The following LACC1 variants were observed in gnomAD, a reference collection of about 807,000 sequenced individuals.
The protein encoded by LACC1 is purine nucleoside phosphorylase LACC1.
A neutral mutation model predicts 34.8 loss-of-function variants in LACC1; 25 were observed. The ratio of observed to expected loss-of-function variants is 0.72; its 90% confidence interval spans 0.52 to 1.00. The LOEUF is 1.00. LACC1 is among the 50% of genes least tolerant of loss of function. The pLI is 0.00. For synonymous variants in LACC1, 162 were observed against 168.0 expected, an observed-to-expected ratio of 0.96 and a Z score of 0.28; for missense variants, 426 against 511.2, an observed-to-expected ratio of 0.83 and a Z score of 1.61.
intron 2 of LACC1, 50 bp downstream of exon 2, chr13:43,881,597 C>T: frequency 7.3e-7 from 1 of 1,361,134 alleles, no homozygotes; most frequent in Non-Finnish European, 1.0e-6. Context: ...GAAAACTAGT[C>T]TTTCTTCAGA....
intron 6 of LACC1, among the ~76,000 whole-genome samples, chr13:43,890,524 T>TC (rs1241363629): frequency 6.6e-6 from 1 of 152,202 alleles, no homozygotes; most frequent in Admixed American, 6.5e-5. Context: ...CCACTCCTTT[T>TC]CCTAGTTAAT....
chr13:43,882,458 C>CT, intron 3 of LACC1, 95 bp downstream of exon 3: 1 of 836,636 alleles, frequency 1.2e-6, no homozygotes, highest in Non-Finnish European at 1.8e-6. Context: ...TTTGTATCTG[C>CT]TTTTTTATCT....
intron 4 of LACC1, among the ~76,000 whole-genome samples, chr13:43,886,931 A>G (rs1955360754): frequency 6.6e-6 from 1 of 152,132 alleles, no homozygotes; most frequent in African/African-American, 2.4e-5. Context: ...AAGGAGGTGG[A>G]TGAACTACAA....
In LACC1 at chr13:43,893,044, T is replaced by G. The variant is rs953095778; in HGVS notation, c.*1597T>G. On this transcript the variant is annotated 3_prime_UTR_variant, in exon 7 of 7. Transcript: ENST00000325686. ...TTTTTTGGATGAGCAGTTTTGAGTG[T>G]GTTTGTCAGTTAAAGAGAGGAATTA... is the stretch of plus-strand genomic sequence containing the variant. 6.6e-6 allele frequency: 1 copy of G among 152,226 alleles called. No individual in the cohort carries two copies. The highest frequency in any genetic ancestry group is 2.4e-5 in the African/African-American group (1 of 41,456). The allele number at this position is 152,226 out of a possible 1,614,324, so 9.4% of individuals were successfully genotyped here.
upstream of LACC1, chr13:43,879,579 C>A (rs902125794): frequency 2.6e-5 from 4 of 152,234 alleles, no homozygotes; most frequent in African/African-American, 9.6e-5. Flanking sequence ...CCCCAGCTCT[C>A]GCGCTGGGCC....
At chr13:43,886,416 C>T (rs1204439416) in intron 4 of LACC1, among the ~76,000 whole-genome samples, 2 of 152,080 alleles carry the variant, frequency 1.3e-5, no homozygotes, top group Non-Finnish European at 2.9e-5. Context: ...TAATGGAATA[C>T]TATAAAGCCA....
rs987899116 is a variant in LACC1, at chr13:43,893,615, T to G, written c.*2168T>G. ...GTTGTGAGGTTGTGATAACCGATTC[T>G]TGTTTAGTTTAATTCTATATCTCCC... On this transcript the variant is annotated 3_prime_UTR_variant, in exon 7 of 7. Coordinates refer to ENST00000325686, the MANE Select transcript of LACC1 (RefSeq NM_153218.4). The G allele has an allele frequency of 9.2e-5, 14 of 152,050 alleles. No homozygotes were observed. Among genetic ancestry groups the G allele is most frequent in the African/African-American group, 2.9e-4 (12 of 41,448 alleles). 9.4% of individuals were successfully genotyped at this position (152,050 alleles called of 1,614,324 possible).
At chr13:43,891,353 A>G (rs1439001062) in intron 6 of LACC1, 96 bp from the exon 7 acceptor site, 1 of 493,184 alleles carries the variant, frequency 2.0e-6, no homozygotes, top group African/African-American at 2.1e-5. Flanking sequence ...TAGCTCTTTA[A>G]CTTACAGAAA....
rs930107918 is a variant in LACC1, at chr13:43,890,401, T to TA, written c.*1+128dup. ...CCTTATTTAAAAAAAAAAAGTTAAT[T>TA]ATGTTAAACTTTACTCCTTTATTCC... On this transcript the variant is annotated intron_variant, in intron 6 of 6. Transcript: ENST00000325686. 8.4e-6 allele frequency: 6 copies of TA among 718,366 alleles called. No homozygotes were observed. In the African/African-American group the frequency reaches 9.1e-5, roughly 11 times the overall value. 44.5% of individuals were successfully genotyped at this position (718,366 alleles called of 1,614,324 possible). A position where few individuals can be genotyped will look rare whatever the true frequency, so the allele number is the denominator to read the frequency against.
At chr13:43,886,005 G>C (rs529849383) in intron 4 of LACC1, among the ~76,000 whole-genome samples, 2 of 152,072 alleles carry the variant, frequency 1.3e-5, no homozygotes, top group Non-Finnish European at 2.9e-5. Flanking sequence ...ATGAAAAAAC[G>C]CTTGATATTA....
At chr13:43,885,243 T>G (rs1356201361) in intron 4 of LACC1, among the ~76,000 whole-genome samples, 1 of 152,124 alleles carries the variant, frequency 6.6e-6, no homozygotes, top group East Asian at 1.9e-4. Flanking sequence ...TTTCACAGAT[T>G]TAGAAAAAAC....
At chr13:43,883,472 A>G (rs1955170907) in intron 3 of LACC1, among the ~76,000 whole-genome samples, 2 of 152,212 alleles carry the variant, frequency 1.3e-5, no homozygotes, top group South Asian at 2.1e-4. Flanking sequence ...AGAAAGTGCT[A>G]TAAGAAATGA....
rs780225661 is a variant in LACC1 at position 43,881,269 on chromosome 13, T to C, written c.284T>C (p.Ile95Thr). ...AATLYTIKQK[I>T]DEKNLSSIKV... ...ACTTTGTATACCATTAAACAGAAAA[T>C]TGATGAAAAAAATCTGAGCAGCATT... Residue 95 changes from isoleucine (I) to threonine (T), a missense_variant, in exon 2 of 7, where the codon ATT (isoleucine) becomes ACT (threonine). This residue lies in a region of LACC1 where 217 missense variants were observed against 210.9 expected (regional missense o/e 1.03). Coordinates refer to ENST00000325686, the MANE Select transcript of LACC1 (RefSeq NM_153218.4). 6.2e-7 allele frequency: 1 copy of C among 1,614,138 alleles called. No homozygotes were observed. Among genetic ancestry groups the C allele is most frequent in the South Asian group, 1.1e-5 (1 of 91,086 alleles).
At position 43,891,442 on chromosome 13, in the gene LACC1, T is replaced by C. The variant is rs1044206493; in HGVS notation, c.*2-7T>C. ...CGTCTCATATTTGATTTCTATGTAT[T>C]TTACAGATACTTGACTGGATTTTTG... On this transcript the variant is annotated splice_polypyrimidine_tract_variant and splice_region_variant and intron_variant, in intron 6 of 6. Transcript: ENST00000325686. 3 of 982,298 alleles carry C rather than the reference T, an allele frequency of 3.1e-6. No homozygotes were observed. The African/African-American group carries it at 5.2e-5, about 17-fold the overall frequency. The allele number at this position is 982,298 out of a possible 1,614,324, so 60.8% of individuals were successfully genotyped here. A position where few individuals can be genotyped will look rare whatever the true frequency, so the allele number is the denominator to read the frequency against.
intron 2 of LACC1, among the ~76,000 whole-genome samples, chr13:43,881,752 A>G (rs1044490763): frequency 4.6e-5 from 7 of 152,354 alleles, no homozygotes; most frequent in Admixed American, 3.9e-4. Context: ...AGCCACCCCA[A>G]ATAAATAAAT....
Position 43,883,933 on chromosome 13 carries a change from G to A in LACC1, c.904G>A (p.Ala302Thr). 3 of 1,608,430 alleles carry A rather than the reference G, an allele frequency of 1.9e-6. No individual in the cohort carries two copies. Among genetic ancestry groups the A allele is most frequent in the South Asian group, 1.1e-5 (1 of 90,182 alleles). The change falls in exon 4 of 7, where the codon GCT becomes ACT. Residue 302 changes from alanine (A) to threonine (T), a missense_variant. Physicochemically the swap from Ala to Thr is moderately conservative, Grantham distance 58. Coordinates refer to ENST00000325686, the MANE Select transcript of LACC1 (RefSeq NM_153218.4). Reference sequence around the variant, plus strand: ...CAAAAAAGCATGTGGGGTTGCTCACGCTGGTAAGTATACTTAATTAAACAT... The same window carrying A: ...CAAAAAAGCATGTGGGGTTGCTCACACTGGTAAGTATACTTAATTAAACAT... Reference protein sequence around the residue: ...PVKKACGVAHAGWKGTLLGVA... With the variant: ...PVKKACGVAHTGWKGTLLGVA...
chr13:43,890,007 C>T (rs1955500223), intron 5 of LACC1, 107 bp from the exon 6 acceptor site: 2 of 888,282 alleles, frequency 2.3e-6, no homozygotes, highest in South Asian at 1.7e-5. Flanking sequence ...GTTCTAGGTA[C>T]ATCTTTCCTG....
chr13:43,891,197 T>C (rs1019898480), intron 6 of LACC1, among the ~76,000 whole-genome samples: 3 of 152,222 alleles, frequency 2.0e-5, no homozygotes, highest in Non-Finnish European at 4.4e-5. Flanking sequence ...TTTCTTAAAA[T>C]AGTATTTATT....
At position 43,888,895 on chromosome 13, in the gene LACC1, C is replaced by A; in HGVS notation, c.1046C>A (p.Ser349Ter). 6.2e-7 allele frequency: 1 copy of A among 1,613,896 alleles called. No homozygotes were observed. Among genetic ancestry groups the A allele is most frequent in the Non-Finnish European group, 8.5e-7 (1 of 1,179,852 alleles). Reference protein sequence around the residue: ...GPCCFTLPRESAEAFHNLHPA... With the variant: ...GPCCFTLPRE Reference sequence around the variant, plus strand: ...TGCTGTTTTACTCTTCCAAGGGAATCAGCAGAGGCATTTCATAATCTTCAT... The same window carrying A: ...TGCTGTTTTACTCTTCCAAGGGAATAAGCAGAGGCATTTCATAATCTTCAT... The change falls in exon 5 of 7, where the codon TCA becomes TAA. Residue 349 changes from serine to a stop codon, truncating the protein, a stop_gained. Transcript: ENST00000325686. LOFTEE classifies it high-confidence loss of function.
Sources: gnomAD v4.1 joint callset for allele counts (sites outside exome capture counted in the v4.1 genomes callset) on GRCh38, gnomAD v4.1.1 for gene constraint, gnomAD v4.1.1 regional missense constraint, MANE v1.5 for transcripts, NCBI Gene and HGNC (gene_info 2026-07-23, HGNC 2026-07-21) for gene names.